PRDM11: variants seen among roughly 807,000 people sequenced by gnomAD.
PRDM11 encodes the protein PR/SET domain 11.
A neutral mutation model predicts 97.8 loss-of-function variants in PRDM11; 20 were observed. That is an observed-to-expected ratio of 0.20 (90% CI 0.14 to 0.30). The LOEUF (loss-of-function observed/expected upper bound fraction) is 0.30. PRDM11 is among the 10% of genes least tolerant of loss of function. The pLI is 1.00. For missense variants in PRDM11, 1,139 were observed against 1,555.2 expected, an observed-to-expected ratio of 0.73 and a Z score of 4.50; for synonymous variants, 599 against 637.7, an observed-to-expected ratio of 0.94 and a Z score of 0.91.
At chr11:45,119,547 G>A (rs944406260) in intron 1 of PRDM11, among the ~76,000 whole-genome samples, 7 of 147,060 alleles carry the variant, frequency 4.8e-5, no homozygotes, top group African/African-American at 1.8e-4. Flanking sequence ...GGAGAATTGC[G>A]TGAACCCCAG....
Position 45,125,512 on chromosome 11 carries a change from T to C in PRDM11, c.96+29611T>C, listed in dbSNP as rs200025717. Among the ~76,000 whole-genome samples, 958 of 152,342 alleles carry C rather than the reference T, an allele frequency of 6.3e-3. 27 individuals carry two copies. In the East Asian group the frequency reaches 0.11, roughly 17 times the overall value. On this transcript the variant is annotated intron_variant, in intron 1 of 6. Coordinates refer to the PRDM11 transcript ENST00000530656. ...ATTTCCCTCTACACACTGCTTTGAA[T>C]GTGTCCCAGAGATTCTGGTATGTTG... is the stretch of plus-strand genomic sequence containing the variant.
In PRDM11 at chr11:45,227,990, C is replaced by T. The variant is rs1209260999; in HGVS notation, c.3365C>T (p.Pro1122Leu). 2.6e-6 allele frequency: 4 copies of T among 1,533,652 alleles called. No homozygotes were observed. The highest frequency in any genetic ancestry group is 2.4e-5 in the East Asian group (1 of 40,908). Residue 1122 changes from proline to leucine, a missense_variant, in exon 8 of 8, where the codon CCG (proline) becomes CTG (leucine). Pro to Leu is a moderately conservative substitution (Grantham distance 98). Around this residue, in one of 2 missense-constraint regions of PRDM11, gnomAD observed 710 missense variants for 1,044.9 expected, o/e 0.68. Coordinates refer to ENST00000683152, the MANE Select transcript of PRDM11 (RefSeq NM_001384648.1). The surrounding 1 kb of genome is among the most constrained non-coding windows in gnomAD (Gnocchi z 8.0). Reference sequence around the variant, plus strand: ...CTGTTGACAATCGCTGTAAACGGACCGCCAATCACCAACTTTGATGCCAAG... The same window carrying T: ...CTGTTGACAATCGCTGTAAACGGACTGCCAATCACCAACTTTGATGCCAAG... The part of the protein sequence containing the change: ...SDLLTIAVNG[P>L]PITNFDAKRA...
chr11:45,171,672 T>C (rs763214852), intron 1 of PRDM11, among the ~76,000 whole-genome samples: 31 of 152,148 alleles, frequency 2.0e-4, no homozygotes, highest in Non-Finnish European at 4.1e-4. Flanking sequence ...ATAGAGGGAA[T>C]CTGCCCCTTT....
At chr11:45,163,537 T>C (rs1238499656) in intron 1 of PRDM11, among the ~76,000 whole-genome samples, 1 of 152,032 alleles carries the variant, frequency 6.6e-6, no homozygotes, top group Non-Finnish European at 1.5e-5. Context: ...CCTCAGCTGC[T>C]CCTGATCGTA....
intron 1 of PRDM11, among the ~76,000 whole-genome samples, chr11:45,112,608 T>C (rs972071020): frequency 6.6e-6 from 1 of 152,236 alleles, no homozygotes; most frequent in African/African-American, 2.4e-5. Context: ...CTATTGTTTT[T>C]TGACTTTTTA....
rs79616887 is a variant in PRDM11 at position 45,187,892 on chromosome 11, G to A, written c.486+4769G>A. Among the ~76,000 whole-genome samples the A allele has an allele frequency of 7.0e-3, 1,069 of 152,000 alleles. 13 individuals carry two copies. The highest frequency in any genetic ancestry group is 0.025 in the African/African-American group (1,019 of 41,454). ...CTGGGGAAAAGCAGGCGTGAAGAACGGCCCTGCCTGCTCTGCTGATGGGTA... is the reference window on the plus strand; with the variant it reads ...CTGGGGAAAAGCAGGCGTGAAGAACAGCCCTGCCTGCTCTGCTGATGGGTA... On this transcript the variant is annotated intron_variant, in intron 4 of 7. Transcript: ENST00000683152.
chr11:45,175,755 G>T (rs1472170952), intron 1 of PRDM11, among the ~76,000 whole-genome samples: 3 of 152,046 alleles, frequency 2.0e-5, no homozygotes, highest in African/African-American at 4.8e-5. Context: ...CTCCAGAAAG[G>T]TTACACCAAT....
At chr11:45,141,609 C>A (rs1210256380) in intron 1 of PRDM11, among the ~76,000 whole-genome samples, 2 of 152,182 alleles carry the variant, frequency 1.3e-5, no homozygotes, top group African/African-American at 4.8e-5. Context: ...CAGCCAAGAT[C>A]ATGCTAGAGA....
chr11:45,189,508 C>T (rs987925905), intron 4 of PRDM11, among the ~76,000 whole-genome samples: 3 of 151,752 alleles, frequency 2.0e-5, no homozygotes, highest in Non-Finnish European at 2.9e-5. Flanking sequence ...TGAGGAGGTC[C>T]GCCCTTCTGG....
At chr11:45,204,925 AC>A in intron 5 of PRDM11, 147 bp downstream of exon 5, 1 of 804,946 alleles carries the variant, frequency 1.2e-6, no homozygotes, top group Non-Finnish European at 2.0e-6. Context: ...GCTCTGAAGG[AC>A]CCACCTTTTC....
chr11:45,162,383 A>ATT lies in PRDM11; in HGVS notation c.-7+15506_-7+15507insTT, dbSNP rs1565277873. Among the ~76,000 whole-genome samples the ATT allele has an allele frequency of 4.5e-4, 68 of 152,156 alleles. 1 individual carries two copies. The South Asian group carries it at 0.014, about 31-fold the overall frequency. ...GAAAGTAAGGCTCAGAGAGGCCCAA[A>ATT]GGGCCTCTCTGAGCTAGTGGATGCA... On this transcript the variant is annotated intron_variant, in intron 1 of 7. Coordinates refer to ENST00000683152, the MANE Select transcript of PRDM11 (RefSeq NM_001384648.1).
At chr11:45,148,252 A>G (rs980419953) in intron 1 of PRDM11, among the ~76,000 whole-genome samples, 2 of 152,276 alleles carry the variant, frequency 1.3e-5, no homozygotes, top group African/African-American at 4.8e-5. Flanking sequence ...CCTCCTCCTC[A>G]TAGTCACTGT....
intron 4 of PRDM11, among the ~76,000 whole-genome samples, chr11:45,185,731 T>C (rs1158717050): frequency 6.6e-6 from 1 of 152,130 alleles, no homozygotes; most frequent in Non-Finnish European, 1.5e-5. Flanking sequence ...GATAGTTAGG[T>C]ATAGTAGGCC....
At position 45,185,711 on chromosome 11, in the gene PRDM11, A is replaced by G. The variant is rs141120917; in HGVS notation, c.486+2588A>G. Among the ~76,000 whole-genome samples, 477 of 152,346 alleles carry G rather than the reference A, an allele frequency of 3.1e-3. 3 individuals carry two copies. Among genetic ancestry groups the G allele is most frequent in the Non-Finnish European group, 2.8e-3 (190 of 68,036 alleles). Reference sequence around the variant, plus strand: ...CTACAGGGTTAGCCCAGAGGATTAGAGCAGATAGAGATAGTTAGGTATAGT... The same window carrying G: ...CTACAGGGTTAGCCCAGAGGATTAGGGCAGATAGAGATAGTTAGGTATAGT... On this transcript the variant is annotated intron_variant, in intron 4 of 7. Coordinates refer to ENST00000683152, the MANE Select transcript of PRDM11 (RefSeq NM_001384648.1).
chr11:45,142,035 T>A (rs1851415298), upstream of PRDM11, among the ~76,000 whole-genome samples: 2 of 152,204 alleles, frequency 1.3e-5, no homozygotes, highest in Non-Finnish European at 2.9e-5. Context: ...TTTGCTTCAA[T>A]CTCATCTAGA....
chr11:45,227,125 GT>G lies in PRDM11; in HGVS notation c.2501del (p.Val834AlafsTer54). 6.5e-7 allele frequency: 1 copy of G among 1,533,976 alleles called. No homozygotes were observed. The highest frequency in any genetic ancestry group is 8.7e-7 in the Non-Finnish European group (1 of 1,146,736). On this transcript the variant is annotated frameshift_variant, in exon 8 of 8. Transcript: ENST00000683152. LOFTEE classifies it high-confidence loss of function. The surrounding 1 kb of genome is among the most constrained non-coding windows in gnomAD (Gnocchi z 8.0). ...GCGGTGGATCATCGGCGAGCAGAAC[GT>G]CCTCAACGCTCTCATCAAGGACTAC... ...AVRWIIGEQN[V>X]LNALIKDYLE... is the part of the protein sequence containing the mutation.
At chr11:45,189,914 A>C (rs1440870163) in intron 4 of PRDM11, among the ~76,000 whole-genome samples, 2 of 152,092 alleles carry the variant, frequency 1.3e-5, no homozygotes, top group Non-Finnish European at 2.9e-5. Context: ...CGTTTGAGAC[A>C]GGGTAGTCGT....
At chr11:45,162,179 G>A (rs1181056241) in intron 1 of PRDM11, among the ~76,000 whole-genome samples, 1 of 152,306 alleles carries the variant, frequency 6.6e-6, no homozygotes, top group East Asian at 1.9e-4. Context: ...GGTACCTAGA[G>A]GGGGCAGGCA....
chr11:45,201,568 A>T (rs1853326364), intron 4 of PRDM11, among the ~76,000 whole-genome samples: 1 of 151,988 alleles, frequency 6.6e-6, no homozygotes, highest in African/African-American at 2.4e-5. Flanking sequence ...ATCATGGGTT[A>T]CTGCAGCCTC....
Sources: gnomAD v4.1 joint callset for allele counts (sites outside exome capture counted in the v4.1 genomes callset) on GRCh38, gnomAD v4.1.1 for gene constraint, gnomAD v4.1.1 regional missense constraint, Gnocchi (gnomAD v3.1) non-coding constraint, MANE v1.5 for transcripts, NCBI Gene and HGNC (gene_info 2026-07-23, HGNC 2026-07-21) for gene names.